ASB3: variants seen among roughly 807,000 people sequenced by gnomAD.
ASB3 encodes the protein ankyrin repeat and SOCS box containing 3, also known as ankyrin repeat and SOCS box protein 3.
In ASB3, 41 loss-of-function variants were observed where a neutral mutation model predicts 54.5. That is an observed-to-expected ratio of 0.75 (90% CI 0.59 to 0.98). The LOEUF is 0.98. Among genes scored for constraint, ASB3 ranks in the 50% least tolerant of loss-of-function variants. The pLI, the probability that ASB3 is intolerant of heterozygous loss-of-function variation, is 0.00. For synonymous variants in ASB3, 266 were observed against 221.2 expected (o/e 1.20, Z -1.80); for missense variants, 733 against 620.0 (o/e 1.18, Z -1.94).
chr2:53,769,978 A>G (rs941346598), intron 1 of ASB3, among the ~76,000 whole-genome samples: 20 of 152,250 alleles, frequency 1.3e-4, no homozygotes, highest in African/African-American at 4.6e-4. Flanking sequence ...TAGAATGACA[A>G]TATAAGCTAC....
chr2:53,721,246 C>A (rs1173794296), intron 5 of ASB3, among the ~76,000 whole-genome samples: 2 of 151,706 alleles, frequency 1.3e-5, no homozygotes, highest in Non-Finnish European at 2.9e-5. Context: ...CAAAACCACA[C>A]AATTACATAG....
chr2:53,750,850 C>G lies in ASB3; in HGVS notation c.288G>C (p.Gln96His). The G allele has an allele frequency of 6.2e-7, 1 of 1,603,464 alleles. No individual in the cohort carries two copies. The highest frequency in any genetic ancestry group is 8.5e-7 in the Non-Finnish European group (1 of 1,174,806). The part of the protein sequence containing the change: ...AASQGHWKIV[Q>H]ILLEAGADPN... ...GATCTGCCCCAGCTTCTAAAAGAAT[C>G]TGTACGATTTTCCAATGTCCTTGAC... is the stretch of plus-strand genomic sequence containing the variant. The change falls in exon 3 of 10, where the codon CAG becomes CAC. Residue 96 changes from glutamine to histidine, a missense_variant. By Grantham distance (24) the Gln-to-His change is conservative. Coordinates refer to ENST00000263634, the MANE Select transcript of ASB3 (RefSeq NM_016115.5).
chr2:53,674,283 C>T (rs1338676838), intron 9 of ASB3, among the ~76,000 whole-genome samples: 1 of 152,180 alleles, frequency 6.6e-6, no homozygotes, highest in East Asian at 1.9e-4. Context: ...TTCTAAGTCA[C>T]TTTTCTGACC....
chr2:53,679,662 C>G (rs1668259703), intron 9 of ASB3, among the ~76,000 whole-genome samples: 2 of 152,302 alleles, frequency 1.3e-5, no homozygotes, highest in South Asian at 4.1e-4. Context: ...AAAGAAAACT[C>G]TGCCACAACC....
chr2:53,743,308 T>C (rs1178036074), intron 3 of ASB3, among the ~76,000 whole-genome samples: 1 of 151,852 alleles, frequency 6.6e-6, no homozygotes. Context: ...CCCAGCCAAA[T>C]TATTCAATTT....
At chr2:53,671,353 C>CGTGTGTGTGTGTGTGT (rs142473697) in intron 9 of ASB3, among the ~76,000 whole-genome samples, 32 of 142,602 alleles carry the variant, frequency 2.2e-4, no homozygotes, top group African/African-American at 7.8e-4. Flanking sequence ...GAACCCAAAG[C>CGTGTGTGTGTGTGTGT]GTGTGTGTGT....
At chr2:53,771,946 T>C (rs945214874) in intron 1 of ASB3, 3 of 1,502,224 alleles carry the variant, frequency 2.0e-6, no homozygotes, top group East Asian at 2.3e-5. Flanking sequence ...TCCTGCGGTA[T>C]GGTATAAATA....
At chr2:53,756,824 G>C (rs1179100137) in intron 2 of ASB3, 1 of 152,944 alleles carries the variant, frequency 6.5e-6, no homozygotes, top group Admixed American at 6.5e-5. Flanking sequence ...GATCTGGCAG[G>C]GTGTCCACTG....
chr2:53,752,572 G>A (rs1672576727), intron 2 of ASB3, among the ~76,000 whole-genome samples: 1 of 152,234 alleles, frequency 6.6e-6, no homozygotes, highest in African/African-American at 2.4e-5. Context: ...CTGTGCACGT[G>A]TTAAGGCACG....
intron 3 of ASB3, among the ~76,000 whole-genome samples, chr2:53,739,986 T>C (rs1671842426): frequency 6.6e-6 from 1 of 152,230 alleles, no homozygotes; most frequent in African/African-American, 2.4e-5. Flanking sequence ...GTCTTTCATT[T>C]TGAGGCTCAG....
chr2:53,728,869 TAAATAAGAAAAAAA>T, intron 4 of ASB3, 22 bp from the exon 5 acceptor site: 1 of 1,558,020 alleles, frequency 6.4e-7, no homozygotes, highest in Non-Finnish European at 8.7e-7. Flanking sequence ...ATTCACATTT[TAAATAAGAAAAAAA>T]CAAAGAAAAT....
intron 5 of ASB3, among the ~76,000 whole-genome samples, 188 bp from the exon 6 acceptor site, chr2:53,716,931 C>T (rs1055151978): frequency 5.3e-5 from 8 of 152,064 alleles, no homozygotes; most frequent in East Asian, 1.9e-4. Context: ...AAATTGTCTT[C>T]GCTAAACTGA....
chr2:53,691,722 G>T (rs1668924035), intron 9 of ASB3, among the ~76,000 whole-genome samples: 1 of 152,102 alleles, frequency 6.6e-6, no homozygotes, highest in East Asian at 1.9e-4. Flanking sequence ...CCCCAAGAGA[G>T]ACCTGAATTA....
chr2:53,772,366 A>G lies in ASB3; in HGVS notation c.-13-6781T>C, dbSNP rs567475208. Among the ~76,000 whole-genome samples, 42 of 152,170 alleles carry G rather than the reference A, an allele frequency of 2.8e-4. No homozygotes were observed. The South Asian group carries it at 3.9e-3, about 14-fold the overall frequency. ...ATTTTTTGTATTTTTAGTAGAGACGAGGTTTCACCGTGTTAGCCAGGATGG... is the reference window on the plus strand; with the variant it reads ...ATTTTTTGTATTTTTAGTAGAGACGGGGTTTCACCGTGTTAGCCAGGATGG... On this transcript the variant is annotated intron_variant, in intron 1 of 9. Transcript: ENST00000263634.
chr2:53,759,402 A>G (rs1179674237), intron 2 of ASB3, among the ~76,000 whole-genome samples: 1 of 152,228 alleles, frequency 6.6e-6, no homozygotes, highest in Non-Finnish European at 1.5e-5. Flanking sequence ...GCATGACTCT[A>G]TTGAGGGCCA....
chr2:53,722,699 A>G (rs1670776870), intron 5 of ASB3, among the ~76,000 whole-genome samples: 1 of 152,200 alleles, frequency 6.6e-6, no homozygotes, highest in Non-Finnish European at 1.5e-5. Flanking sequence ...GTATCTTAAT[A>G]AGAATCATCT....
chr2:53,687,382 T>C (rs1330569995), intron 9 of ASB3, among the ~76,000 whole-genome samples: 1 of 152,224 alleles, frequency 6.6e-6, no homozygotes, highest in Non-Finnish European at 1.5e-5. Flanking sequence ...ATGGCTGGTG[T>C]CTGGGAGGTT....
At chr2:53,761,406 C>T (rs1673139317) in intron 2 of ASB3, among the ~76,000 whole-genome samples, 2 of 152,000 alleles carry the variant, frequency 1.3e-5, no homozygotes, top group East Asian at 1.9e-4. Flanking sequence ...TCTGTTTTCA[C>T]TCTATTAATC....
intron 7 of ASB3, 117 bp from the exon 8 acceptor site, chr2:53,700,645 G>C (rs1014248724): frequency 5.4e-5 from 74 of 1,376,124 alleles, no homozygotes; most frequent in Middle Eastern, 2.6e-4. Flanking sequence ...ATTAAATAGT[G>C]GATGGTTTCT....
Sources: allele counts gnomAD v4.1 joint callset (sites outside exome capture counted in the v4.1 genomes callset), GRCh38; gene constraint gnomAD v4.1.1; transcripts MANE v1.5; gene names NCBI Gene and HGNC (gene_info 2026-07-23, HGNC 2026-07-21).